The following DOCK1 variants were observed in gnomAD, a reference collection of about 807,000 sequenced individuals.
The protein encoded by DOCK1 is dedicator of cytokinesis protein 1.
Under a neutral mutation model 262.7 loss-of-function variants are expected in DOCK1, and 138 were observed. That is an observed-to-expected ratio of 0.53 (90% CI 0.46 to 0.61). The LOEUF is 0.61. Among genes scored for constraint, DOCK1 ranks in the 20% least tolerant of loss-of-function variants. The pLI, the probability that DOCK1 is intolerant of heterozygous loss-of-function variation, is 0.00. For missense variants in DOCK1, 1,908 were observed against 2,370.7 expected (o/e 0.80, Z 4.05); for synonymous variants, 866 against 867.4 (o/e 1.00, Z 0.03).
chr10:127,005,481 C>A (rs1273180916), intron 10 of DOCK1, among the ~76,000 whole-genome samples: 4 of 152,194 alleles, frequency 2.6e-5, no homozygotes, highest in African/African-American at 7.2e-5. Context: ...TTCTGCGTGT[C>A]TGTGTTAACA....
At chr10:127,054,185 A>G (rs1423573483) in intron 22 of DOCK1, among the ~76,000 whole-genome samples, 2 of 152,174 alleles carry the variant, frequency 1.3e-5, no homozygotes, top group South Asian at 2.1e-4. Context: ...AGGGGGAAGA[A>G]TTCAAAATCT....
chr10:126,968,377 T>G (rs1455845248), intron 1 of DOCK1, among the ~76,000 whole-genome samples: 1 of 152,216 alleles, frequency 6.6e-6, no homozygotes, highest in Non-Finnish European at 1.5e-5. Flanking sequence ...GTTGCATGAT[T>G]TGGGGCCATG....
intron 1 of DOCK1, among the ~76,000 whole-genome samples, chr10:126,954,250 C>T (rs1400172475): frequency 6.6e-5 from 10 of 152,262 alleles, no homozygotes; most frequent in Admixed American, 1.3e-4. Context: ...GCTGGAGAGG[C>T]CTGCCCTTGC....
chr10:126,934,885 G>A (rs1485896839), intron 1 of DOCK1, among the ~76,000 whole-genome samples: 3 of 151,784 alleles, frequency 2.0e-5, no homozygotes, highest in Non-Finnish European at 4.4e-5. Context: ...GGGAGGCCAA[G>A]GTGGGCGGGT....
intron 10 of DOCK1, among the ~76,000 whole-genome samples, chr10:127,005,038 A>G (rs1213491941): frequency 2.0e-5 from 3 of 151,798 alleles, no homozygotes; most frequent in Non-Finnish European, 4.4e-5. Context: ...TCTCTTTGTT[A>G]CTAAGAAAGG....
intron 27 of DOCK1, among the ~76,000 whole-genome samples, chr10:127,240,073 A>G (rs906480885): frequency 4.6e-5 from 7 of 152,106 alleles, no homozygotes; most frequent in Non-Finnish European, 8.8e-5. Context: ...CTGCCACTAT[A>G]AAAATGAAAT....
intron 46 of DOCK1, among the ~76,000 whole-genome samples, chr10:127,420,325 G>A (rs1410183311): frequency 6.6e-6 from 1 of 152,196 alleles, no homozygotes; most frequent in Non-Finnish European, 1.5e-5. Flanking sequence ...GGTGCCTTGG[G>A]TTTAAGTGTC....
intron 48 of DOCK1, among the ~76,000 whole-genome samples, chr10:127,436,106 A>G (rs922516331): frequency 3.3e-5 from 5 of 152,236 alleles, no homozygotes; most frequent in East Asian, 1.9e-4. Context: ...CCTAATGGAT[A>G]TGGATGTATT....
intron 48 of DOCK1, among the ~76,000 whole-genome samples, chr10:127,434,080 C>T (rs1411539544): frequency 6.6e-6 from 1 of 151,952 alleles, no homozygotes; most frequent in Non-Finnish European, 1.5e-5. Context: ...CTCCACTGTC[C>T]CCCTGTGACA....
At chr10:127,379,932 C>T (rs1042324981) in intron 35 of DOCK1, 150 bp from the exon 36 acceptor site, 4 of 622,034 alleles carry the variant, frequency 6.4e-6, no homozygotes, top group South Asian at 1.9e-5. Context: ...GATGGTTTTG[C>T]AATTTATGTG....
At chr10:126,945,841 G>T (rs970707133) in intron 1 of DOCK1, among the ~76,000 whole-genome samples, 1 of 152,146 alleles carries the variant, frequency 6.6e-6, no homozygotes, top group Non-Finnish European at 1.5e-5. Context: ...GTTCAGTGTC[G>T]GAGTGGCCAA....
At chr10:127,388,267 T>A (rs1360490051) in intron 38 of DOCK1, among the ~76,000 whole-genome samples, 1 of 151,942 alleles carries the variant, frequency 6.6e-6, no homozygotes, top group Non-Finnish European at 1.5e-5. Context: ...TCAGAATGAG[T>A]TTTAGGAGGA....
intron 27 of DOCK1, among the ~76,000 whole-genome samples, chr10:127,155,353 A>G (rs1418793389): frequency 6.6e-6 from 1 of 152,196 alleles, no homozygotes; most frequent in African/African-American, 2.4e-5. Context: ...GGTTATGTGC[A>G]GTTTGTTGAT....
chr10:127,083,423 G>A (rs1435444912), intron 23 of DOCK1, among the ~76,000 whole-genome samples: 1 of 152,136 alleles, frequency 6.6e-6, no homozygotes, highest in Non-Finnish European at 1.5e-5. Context: ...CCCACCCTTT[G>A]CTTTGTTAGT....
At chr10:127,282,969 C>T (rs757717620) in intron 29 of DOCK1, among the ~76,000 whole-genome samples, 11 of 152,214 alleles carry the variant, frequency 7.2e-5, no homozygotes, top group East Asian at 5.8e-4. Context: ...AACAAGTAAG[C>T]GTAGAGCTGA....
rs140766667 is a variant in DOCK1 at position 127,278,201 on chromosome 10, T to C, written c.3044+20772T>C. On this transcript the variant is annotated intron_variant, in intron 29 of 51. Transcript: ENST00000623213. ...CTGGCCAGTGTCCAGTGTAAGCAAA[T>C]TTGCACATGGCTGTCCCTTGAGTCA... 7.9e-5 allele frequency among the ~76,000 whole-genome samples: 12 copies of C among 152,188 alleles called. No individual in the cohort carries two copies. The East Asian group carries it at 2.3e-3, about 30-fold the overall frequency.
intron 10 of DOCK1, among the ~76,000 whole-genome samples, chr10:127,003,996 T>C (rs2040798142): frequency 6.6e-6 from 1 of 151,650 alleles, no homozygotes; most frequent in Non-Finnish European, 1.5e-5. Context: ...GGCTCACACC[T>C]CTAATCCCAG....
intron 27 of DOCK1, among the ~76,000 whole-genome samples, chr10:127,172,091 G>C (rs1343528760): frequency 6.6e-6 from 1 of 152,110 alleles, no homozygotes; most frequent in Non-Finnish European, 1.5e-5. Flanking sequence ...GCATTTTCCT[G>C]TTTTCTTTTT....
intron 29 of DOCK1, among the ~76,000 whole-genome samples, chr10:127,260,577 G>A (rs1322603055): frequency 6.6e-6 from 1 of 152,196 alleles, no homozygotes; most frequent in African/African-American, 2.4e-5. Flanking sequence ...GTGTGCCTGT[G>A]TGTGTACCCA....
Sources: gnomAD v4.1 joint callset for allele counts (sites outside exome capture counted in the v4.1 genomes callset) on GRCh38, gnomAD v4.1.1 for gene constraint, MANE v1.5 for transcripts, NCBI Gene and HGNC (gene_info 2026-07-23, HGNC 2026-07-21) for gene names.